PTK2B: variants seen among roughly 807,000 people sequenced by gnomAD.
PTK2B encodes the protein protein-tyrosine kinase 2-beta.
PTK2B carries 71 observed loss-of-function variants against 142.9 expected under a neutral mutation model. The ratio of observed to expected loss-of-function variants is 0.50; its 90% CI spans 0.41 to 0.61. The LOEUF (loss-of-function observed/expected upper bound fraction) is 0.61, where lower values mean the gene tolerates loss of function less well. Among genes scored for constraint, PTK2B ranks in the 20% least tolerant of loss-of-function variants. The pLI is 0.00. For missense variants in PTK2B, 1,105 were observed against 1,320.4 expected (o/e 0.84, Z 2.53); for synonymous variants, 519 against 503.4 (o/e 1.03, Z -0.42).
intron 1 of PTK2B, among the ~76,000 whole-genome samples, chr8:27,336,841 A>AT (rs1804093958): frequency 6.6e-6 from 1 of 151,886 alleles, no homozygotes. Context: ...TTACTTATTT[A>AT]TTTTTTATTT....
intron 1 of PTK2B, among the ~76,000 whole-genome samples, chr8:27,388,118 C>G (rs997595117): frequency 2.6e-5 from 4 of 152,314 alleles, no homozygotes; most frequent in Non-Finnish European, 4.4e-5. Flanking sequence ...ATTTGACCAA[C>G]TAGGAATTCA....
chr8:27,439,443 A>C, intron 20 of PTK2B, 45 bp downstream of exon 20: 15 of 1,557,652 alleles, frequency 9.6e-6, no homozygotes, highest in Non-Finnish European at 1.3e-5. Context: ...TCAGATTCTC[A>C]CTTCTGAACC....
chr8:27,348,470 T>C (rs1804846205), intron 1 of PTK2B, among the ~76,000 whole-genome samples: 1 of 152,180 alleles, frequency 6.6e-6, no homozygotes, highest in African/African-American at 2.4e-5. Context: ...AACTCCAGCC[T>C]TGTGCATCAT....
At chr8:27,370,264 G>A (rs562686141) in intron 1 of PTK2B, among the ~76,000 whole-genome samples, 1 of 152,352 alleles carries the variant, frequency 6.6e-6, no homozygotes, top group Admixed American at 6.5e-5. Context: ...GCACTACCCA[G>A]TGGATTTATG....
intron 1 of PTK2B, among the ~76,000 whole-genome samples, chr8:27,343,105 C>G (rs1421867172): frequency 2.0e-5 from 3 of 152,186 alleles, no homozygotes; most frequent in Non-Finnish European, 4.4e-5. Flanking sequence ...CTACCACCCC[C>G]AGAGCTGTAT....
chr8:27,434,639 G>T, intron 13 of PTK2B, 80 bp downstream of exon 13: 1 of 1,449,248 alleles, frequency 6.9e-7, no homozygotes, highest in East Asian at 2.5e-5. Flanking sequence ...TCGTGACATT[G>T]CCGAGGGTTT....
At chr8:27,451,371 A>T in intron 26 of PTK2B, 114 bp from the exon 27 acceptor site, 1 of 1,523,046 alleles carries the variant, frequency 6.6e-7, no homozygotes. Context: ...CCCCGACCCC[A>T]TGGCTGTAAT....
rs768968936 is a variant in PTK2B at position 27,451,099 on chromosome 8, G to T, written c.2523+21G>T. 4.4e-6 allele frequency: 7 copies of T among 1,608,348 alleles called. No individual in the cohort carries two copies. The Admixed American group carries it at 5.0e-5, about 11-fold the overall frequency. On this transcript the variant is annotated intron_variant, in intron 26 of 30. Coordinates refer to ENST00000346049, the MANE Select transcript of PTK2B (RefSeq NM_173176.3). ...CATTGGTGAGTTGCCAGGAGAGGCC[G>T]CCTCCTCCATGCCAAGGCCTGGGAA...
chr8:27,446,044 C>A lies in PTK2B; in HGVS notation c.2340+125C>A, dbSNP rs139450222. 1.6e-4 allele frequency: 222 copies of A among 1,397,962 alleles called. No individual in the cohort carries two copies. In the African/African-American group the frequency reaches 2.6e-3, roughly 17 times the overall value. 86.6% of individuals were successfully genotyped at this position (1,397,962 alleles called of 1,614,324 possible). A position where few individuals can be genotyped will look rare whatever the true frequency, so the allele number is the denominator to read the frequency against. ...GCCCTTCCTGTTCCCATGCACCAGT[C>A]AGGCCACTGAGGTGGCACTCTGTGA... On this transcript the variant is annotated intron_variant, in intron 24 of 30. Coordinates refer to ENST00000346049, the MANE Select transcript of PTK2B (RefSeq NM_173176.3).
At chr8:27,384,759 A>G (rs374834552) in intron 1 of PTK2B, among the ~76,000 whole-genome samples, 21 of 152,342 alleles carry the variant, frequency 1.4e-4, no homozygotes, top group African/African-American at 5.1e-4. Context: ...TCCATGCACT[A>G]GGTCAGGTTA....
In PTK2B at chr8:27,434,502, A is replaced by G. The variant is rs373698074; in HGVS notation, c.1146-11A>G. 44 of 1,608,042 alleles carry G rather than the reference A, an allele frequency of 2.7e-5. No homozygotes were observed. In the African/African-American group the frequency reaches 5.8e-4, roughly 21 times the overall value. ...GAGCTCACCTGGCTTCTGCTCTCTC[A>G]CCTCCTACAGAAACCTGGAGGCCCG... On this transcript the variant is annotated splice_polypyrimidine_tract_variant and intron_variant, in intron 12 of 30. Coordinates refer to ENST00000346049, the MANE Select transcript of PTK2B (RefSeq NM_173176.3).
chr8:27,454,407 GGGGAATTGAGTCCCAGGCC>G, intron 29 of PTK2B, 105 bp from the exon 30 acceptor site: 1 of 1,549,980 alleles, frequency 6.5e-7, no homozygotes, highest in Non-Finnish European at 8.8e-7. Flanking sequence ...AGCTGGGCCA[GGGGAATTGAGTCCCAGGCC>G]ACTCGCGGGG....
At chr8:27,352,795 C>T (rs768427134) in intron 1 of PTK2B, among the ~76,000 whole-genome samples, 2 of 152,186 alleles carry the variant, frequency 1.3e-5, no homozygotes, top group Admixed American at 6.5e-5. Context: ...CTTGCTCCTC[C>T]TTGCCTTCTG....
rs544897061 is a variant in PTK2B at position 27,362,677 on chromosome 8, T to G, written c.-37-34871T>G. The stretch of plus-strand genomic sequence containing the variant: ...GCCCTCTGGCCTTGCCAAACCCCCT[T>G]TGTAGCAGCCTCCCCTTCCAGCAGT... On this transcript the variant is annotated intron_variant, in intron 1 of 30. Transcript: ENST00000346049. Among the ~76,000 whole-genome samples the G allele has an allele frequency of 2.7e-5, 4 of 147,600 alleles. No homozygotes were observed. In the South Asian group the frequency reaches 6.8e-4, roughly 25 times the overall value.
At chr8:27,381,744 G>A (rs1292697442) in intron 1 of PTK2B, among the ~76,000 whole-genome samples, 6 of 152,158 alleles carry the variant, frequency 3.9e-5, no homozygotes, top group Admixed American at 2.0e-4. Context: ...ACGGTTCCCC[G>A]TAATGGTTAT....
chr8:27,387,540 A>G (rs1245647174), intron 1 of PTK2B, among the ~76,000 whole-genome samples: 1 of 152,176 alleles, frequency 6.6e-6, no homozygotes, highest in Non-Finnish European at 1.5e-5. Flanking sequence ...AGGGGTCTGC[A>G]CCATGTGATA....
chr8:27,422,216 G>A, intron 4 of PTK2B, 88 bp from the exon 5 acceptor site: 2 of 1,296,212 alleles, frequency 1.5e-6, no homozygotes, highest in South Asian at 2.9e-5. Context: ...CAGGGAGGCA[G>A]AATGAGGCCC....
In PTK2B at chr8:27,430,947, C is replaced by G; in HGVS notation, c.741C>G (p.Val247=). ...CCTCGCTCAGGGAGGAGGAGTGCGT[C>G]ATGAAGTTCTTCAACACTCTCGCCG... is the stretch of plus-strand genomic sequence containing the variant. ...QYASLREEEC[V]MKFFNTLAGF... is the part of the protein sequence containing the mutation. Residue 247 remains valine, a synonymous_variant, in exon 8 of 31, where the codon GTC becomes GTG. Coordinates refer to ENST00000346049, the MANE Select transcript of PTK2B (RefSeq NM_173176.3). 1 of 1,614,202 alleles carries G rather than the reference C, an allele frequency of 6.2e-7. No individual in the cohort carries two copies.
intron 24 of PTK2B, among the ~76,000 whole-genome samples, chr8:27,449,409 A>G (rs1355389275): frequency 1.3e-5 from 2 of 152,352 alleles, no homozygotes; most frequent in African/African-American, 2.4e-5. Context: ...CTTTTAGACC[A>G]TATTGTAATA....
Sources: allele counts gnomAD v4.1 joint callset (sites outside exome capture counted in the v4.1 genomes callset), GRCh38; gene constraint gnomAD v4.1.1; transcripts MANE v1.5; gene names NCBI Gene and HGNC (gene_info 2026-07-23, HGNC 2026-07-21).